NRG1: variants seen among roughly 807,000 people sequenced by gnomAD.
The protein encoded by NRG1 is neuregulin 1, also known as pro-neuregulin-1, membrane-bound isoform.
In NRG1, 18 loss-of-function variants were observed where a neutral mutation model predicts 63.8. That is an observed-to-expected ratio of 0.28 (90% CI 0.19 to 0.42). The LOEUF is 0.42. NRG1 is among the 10% of genes least tolerant of loss of function. NRG1 has a pLI of 1.00. For missense variants in NRG1, 762 were observed against 814.7 expected, an observed-to-expected ratio of 0.94 and a Z score of 0.79; for synonymous variants, 302 against 301.3, an observed-to-expected ratio of 1.00 and a Z score of -0.02.
At chr8:31,650,538 G>C (rs1238894147) in intron 1 of NRG1, among the ~76,000 whole-genome samples, 1 of 152,018 alleles carries the variant, frequency 6.6e-6, no homozygotes, top group Non-Finnish European at 1.5e-5. Context: ...TGGAATTTCT[G>C]TTCTTCCTTC....
At chr8:32,296,388 A>C (rs895529499) in intron 1 of NRG1, among the ~76,000 whole-genome samples, 14 of 152,070 alleles carry the variant, frequency 9.2e-5, no homozygotes, top group African/African-American at 3.4e-4. Context: ...TCAGGAGTTC[A>C]AGACCAGCTG....
chr8:32,076,540 G>A (rs1189116995), intron 1 of NRG1, among the ~76,000 whole-genome samples: 2 of 152,090 alleles, frequency 1.3e-5, no homozygotes, highest in South Asian at 2.1e-4. Flanking sequence ...TCCACGGACT[G>A]TGGAACAGCA....
At chr8:32,236,453 T>C (rs1281427461) in intron 1 of NRG1, among the ~76,000 whole-genome samples, 1 of 152,172 alleles carries the variant, frequency 6.6e-6, no homozygotes, top group Non-Finnish European at 1.5e-5. Flanking sequence ...TTAAACTTTA[T>C]TGATGAGTAG....
intron 1 of NRG1, among the ~76,000 whole-genome samples, chr8:32,179,896 T>C (rs566346789): frequency 6.6e-6 from 1 of 152,328 alleles, no homozygotes; most frequent in African/African-American, 2.4e-5. Context: ...TAAATCTTTT[T>C]TTTTCAAGGA....
chr8:32,002,438 C>A (rs953850355), intron 1 of NRG1, among the ~76,000 whole-genome samples: 1 of 152,042 alleles, frequency 6.6e-6, no homozygotes, highest in Non-Finnish European at 1.5e-5. Flanking sequence ...GGGTTACCAT[C>A]CAATATGACT....
intron 1 of NRG1, among the ~76,000 whole-genome samples, chr8:32,202,039 G>A (rs1213133698): frequency 6.6e-6 from 1 of 152,154 alleles, no homozygotes; most frequent in East Asian, 1.9e-4. Flanking sequence ...CTCGTTGAGT[G>A]TTAATTTCTC....
At chr8:32,278,141 A>G (rs1852304974) in intron 1 of NRG1, among the ~76,000 whole-genome samples, 1 of 152,224 alleles carries the variant, frequency 6.6e-6, no homozygotes, top group Admixed American at 6.5e-5. Context: ...CTGGATTAAT[A>G]TATCATGGCA....
At chr8:32,674,795 G>A (rs1376299608) in intron 5 of NRG1, among the ~76,000 whole-genome samples, 1 of 152,154 alleles carries the variant, frequency 6.6e-6, no homozygotes, top group East Asian at 1.9e-4. Flanking sequence ...CACCTCCGGA[G>A]TTTTAAAGAT....
At chr8:32,736,233 G>C (rs1825021349) in intron 6 of NRG1, among the ~76,000 whole-genome samples, 1 of 152,164 alleles carries the variant, frequency 6.6e-6, no homozygotes, top group Non-Finnish European at 1.5e-5. Flanking sequence ...TTCACTTAAA[G>C]GTAGATAACA....
At chr8:31,865,624 C>T (rs1828888865) in intron 1 of NRG1, among the ~76,000 whole-genome samples, 2 of 152,040 alleles carry the variant, frequency 1.3e-5, no homozygotes, top group Admixed American at 6.6e-5. Context: ...GGGTTTTCCT[C>T]CTTTGCTCGG....
chr8:32,621,010 A>G (rs1848245716), intron 5 of NRG1, among the ~76,000 whole-genome samples: 1 of 152,086 alleles, frequency 6.6e-6, no homozygotes, highest in Non-Finnish European at 1.5e-5. Context: ...TCTTGACTGG[A>G]GGTTTTTAAG....
intron 5 of NRG1, among the ~76,000 whole-genome samples, chr8:32,673,189 A>T (rs1285844593): frequency 6.6e-6 from 1 of 152,238 alleles, no homozygotes; most frequent in African/African-American, 2.4e-5. Context: ...GATCTAGTCA[A>T]TATCAATTGA....
At chr8:32,414,195 C>T (rs1027389121) in intron 1 of NRG1, among the ~76,000 whole-genome samples, 1 of 151,958 alleles carries the variant, frequency 6.6e-6, no homozygotes, top group Non-Finnish European at 1.5e-5. Flanking sequence ...GTTTCAGGAC[C>T]CTTTGAAGTA....
chr8:31,718,989 T>C (rs998828316), intron 1 of NRG1, among the ~76,000 whole-genome samples: 1 of 152,188 alleles, frequency 6.6e-6, no homozygotes, highest in African/African-American at 2.4e-5. Context: ...TTCCAGTCAG[T>C]GGTACTTACT....
At chr8:31,829,753 T>G (rs754873062) in intron 1 of NRG1, among the ~76,000 whole-genome samples, 1 of 152,226 alleles carries the variant, frequency 6.6e-6, no homozygotes, top group Non-Finnish European at 1.5e-5. Flanking sequence ...CGTAGGAACC[T>G]GCTTCTTCTC....
At chr8:32,344,175 AGC>A (rs1804431998) in intron 1 of NRG1, among the ~76,000 whole-genome samples, 1 of 152,236 alleles carries the variant, frequency 6.6e-6, no homozygotes, top group African/African-American at 2.4e-5. Flanking sequence ...TTATGCAGAT[AGC>A]ATTACTTTAA....
intron 1 of NRG1, among the ~76,000 whole-genome samples, chr8:31,943,142 G>A (rs899267764): frequency 1.6e-4 from 24 of 152,020 alleles, no homozygotes; most frequent in African/African-American, 5.6e-4. Flanking sequence ...TCAACCAGTG[G>A]ATAAAGAAGA....
intron 1 of NRG1, among the ~76,000 whole-genome samples, chr8:32,231,112 G>T (rs188513589): frequency 4.0e-5 from 6 of 151,892 alleles, no homozygotes; most frequent in Admixed American, 3.3e-4. Context: ...TTGACTAATG[G>T]GTCAGAAGAA....
In NRG1 at chr8:32,480,161, G is replaced by C. The variant is rs1243359555; in HGVS notation, c.38-115667G>C. 3.9e-5 allele frequency among the ~76,000 whole-genome samples: 6 copies of C among 152,104 alleles called. No homozygotes were observed. In the South Asian group the frequency reaches 1.2e-3, roughly 32 times the overall value. On this transcript the variant is annotated intron_variant, in intron 1 of 10. Transcript: ENST00000519301. ...GGTGAAGAGAGGCTACTGAGAAGCAGAGCACGTGGTCCCAGCCTACGAGGT... is the reference window on the plus strand; with the variant it reads ...GGTGAAGAGAGGCTACTGAGAAGCACAGCACGTGGTCCCAGCCTACGAGGT...
Sources: allele counts gnomAD v4.1 joint callset (sites outside exome capture counted in the v4.1 genomes callset), GRCh38; gene constraint gnomAD v4.1.1; transcripts MANE v1.5; gene names NCBI Gene and HGNC (gene_info 2026-07-23, HGNC 2026-07-21).